Variants in ADGRA3 observed in about 807,000 individuals in gnomAD.
ADGRA3 encodes the protein adhesion G protein-coupled receptor A3.
In ADGRA3, 56 loss-of-function variants were observed where a neutral mutation model predicts 119.8. That is an observed-to-expected ratio of 0.47 (90% CI 0.38 to 0.58). The LOEUF is 0.58. Among genes scored for constraint, ADGRA3 ranks in the 20% least tolerant of loss-of-function variants. The probability of loss-of-function intolerance (pLI) is 0.00; values close to 1 mark genes in which losing one functional copy is unlikely to be tolerated. For missense variants in ADGRA3, 1,516 were observed against 1,649.0 expected, an observed-to-expected ratio of 0.92 and a Z score of 1.40; for synonymous variants, 607 against 623.8, an observed-to-expected ratio of 0.97 and a Z score of 0.40.
intron 1 of ADGRA3, among the ~76,000 whole-genome samples, chr4:22,513,865 A>AAAC (rs1560356084): frequency 6.6e-6 from 1 of 151,296 alleles, no homozygotes; most frequent in African/African-American, 2.4e-5. Flanking sequence ...AAAAAAAAAA[A>AAAC]AAAAAAAAAC....
intron 1 of ADGRA3, among the ~76,000 whole-genome samples, chr4:22,492,027 C>G (rs986759510): frequency 2.6e-5 from 4 of 152,118 alleles, no homozygotes; most frequent in African/African-American, 7.2e-5. Context: ...GGTCCTTGCT[C>G]TTTAGAATGC....
At chr4:22,498,655 C>A (rs555355462) in intron 1 of ADGRA3, among the ~76,000 whole-genome samples, 1 of 152,134 alleles carries the variant, frequency 6.6e-6, no homozygotes, top group African/African-American at 2.4e-5. Flanking sequence ...GTGGCTCACG[C>A]CTGTAATCCC....
chr4:22,415,781 A>G (rs1715402315), intron 12 of ADGRA3, among the ~76,000 whole-genome samples: 1 of 152,144 alleles, frequency 6.6e-6, no homozygotes, highest in African/African-American at 2.4e-5. Context: ...TAACATCTAT[A>G]CTTTCTAGAA....
chr4:22,473,094 T>C (rs1717911821), intron 2 of ADGRA3: 1 of 152,128 alleles, frequency 6.6e-6, no homozygotes, highest in Non-Finnish European at 1.5e-5. Flanking sequence ...TTTATACTAG[T>C]GTTTTTCCCC....
At chr4:22,427,643 T>A (rs1461346205) in intron 10 of ADGRA3, among the ~76,000 whole-genome samples, 5 of 152,172 alleles carry the variant, frequency 3.3e-5, no homozygotes, top group African/African-American at 1.2e-4. Context: ...CTTCTGTAGC[T>A]TGGTTACAGA....
rs186889191 is a variant in ADGRA3, at chr4:22,450,401, G to T, written c.474-2890C>A. The stretch of plus-strand genomic sequence containing the variant: ...ATGCCTCAGCCTCCGGAGTAGCTGG[G>T]ATTACAGGTACATGCCACCAGGCCT... On this transcript the variant is annotated intron_variant, in intron 4 of 18. Coordinates refer to ENST00000334304, the MANE Select transcript of ADGRA3 (RefSeq NM_145290.4). 3.9e-5 allele frequency among the ~76,000 whole-genome samples: 6 copies of T among 152,060 alleles called. No individual in the cohort carries two copies. In the South Asian group the frequency reaches 1.2e-3, roughly 32 times the overall value.
At chr4:22,448,789 G>A (rs1294011910) in intron 4 of ADGRA3, among the ~76,000 whole-genome samples, 1 of 152,062 alleles carries the variant, frequency 6.6e-6, no homozygotes, top group Non-Finnish European at 1.5e-5. Flanking sequence ...GAAAAAGGCT[G>A]GATTCAGTGA....
intron 12 of ADGRA3, among the ~76,000 whole-genome samples, chr4:22,418,772 A>G (rs1197193945): frequency 6.6e-6 from 1 of 152,100 alleles, no homozygotes; most frequent in Admixed American, 6.5e-5. Flanking sequence ...GCCTGCACAG[A>G]AGGGAAGGCT....
Position 22,436,645 on chromosome 4 carries a change from G to C in ADGRA3, c.1086-4C>G, listed in dbSNP as rs557504541. The stretch of plus-strand genomic sequence containing the variant: ...GCCTGCCAATGTTCTGGGCCATCTA[G>C]AGATGAAGACAAAATAGTACAAGAA... On this transcript the variant is annotated splice_region_variant and splice_polypyrimidine_tract_variant and intron_variant, in intron 8 of 18. Coordinates refer to ENST00000334304, the MANE Select transcript of ADGRA3 (RefSeq NM_145290.4). The C allele has an allele frequency of 6.2e-7, 1 of 1,612,866 alleles. No homozygotes were observed. Among genetic ancestry groups the C allele is most frequent in the South Asian group, 1.1e-5 (1 of 91,036 alleles).
chr4:22,465,728 T>G (rs1367033285), intron 2 of ADGRA3, among the ~76,000 whole-genome samples: 1 of 152,202 alleles, frequency 6.6e-6, no homozygotes, highest in Non-Finnish European at 1.5e-5. Flanking sequence ...TTTTAATAAG[T>G]GGCCAGGATT....
intron 1 of ADGRA3, among the ~76,000 whole-genome samples, chr4:22,482,930 C>A (rs1179595050): frequency 1.3e-5 from 2 of 152,150 alleles, no homozygotes; most frequent in Non-Finnish European, 2.9e-5. Flanking sequence ...GATCTGCCTC[C>A]GTCAATTTTC....
chr4:22,460,210 T>TA (rs1717392690), intron 3 of ADGRA3, among the ~76,000 whole-genome samples: 2 of 152,202 alleles, frequency 1.3e-5, no homozygotes, highest in African/African-American at 4.8e-5. Flanking sequence ...TCTAACCTGT[T>TA]ACAGCGCCTG....
chr4:22,399,335 G>A (rs1714511014), intron 16 of ADGRA3, among the ~76,000 whole-genome samples: 1 of 152,096 alleles, frequency 6.6e-6, no homozygotes, highest in Non-Finnish European at 1.5e-5. Flanking sequence ...AAGGGCTCTT[G>A]ATAAATACAA....
chr4:22,487,294 T>A (rs944873905), intron 1 of ADGRA3, among the ~76,000 whole-genome samples: 1 of 152,242 alleles, frequency 6.6e-6, no homozygotes, highest in African/African-American at 2.4e-5. Context: ...GGAATTGGTT[T>A]CACAGAAGAC....
intron 2 of ADGRA3, among the ~76,000 whole-genome samples, chr4:22,472,700 G>A (rs1161694394): frequency 2.0e-5 from 3 of 152,246 alleles, no homozygotes; most frequent in African/African-American, 4.8e-5. Flanking sequence ...AGTCCTGTGC[G>A]AGTTCAATCA....
intron 5 of ADGRA3, among the ~76,000 whole-genome samples, chr4:22,445,355 G>A (rs1258590119): frequency 6.6e-6 from 1 of 152,116 alleles, no homozygotes; most frequent in African/African-American, 2.4e-5. Context: ...TGCTTTGGAT[G>A]AAATTTTGTA....
chr4:22,500,387 A>G (rs112076399), intron 1 of ADGRA3, among the ~76,000 whole-genome samples: 18 of 152,350 alleles, frequency 1.2e-4, no homozygotes, highest in African/African-American at 3.6e-4. Context: ...AAGCTGTTTT[A>G]GCAATCAGGT....
chr4:22,463,021 C>T (rs764593720), intron 2 of ADGRA3, among the ~76,000 whole-genome samples: 2 of 152,146 alleles, frequency 1.3e-5, no homozygotes, highest in African/African-American at 2.4e-5. Flanking sequence ...TTATGGGACA[C>T]CCTCAGCTGG....
intron 2 of ADGRA3, among the ~76,000 whole-genome samples, chr4:22,464,253 A>G (rs1717575214): frequency 6.6e-6 from 1 of 152,166 alleles, no homozygotes; most frequent in Non-Finnish European, 1.5e-5. Flanking sequence ...CAAGAAGAAA[A>G]CAGCTTTGTC....
Sources: gnomAD v4.1 joint callset for allele counts (sites outside exome capture counted in the v4.1 genomes callset) on GRCh38, gnomAD v4.1.1 for gene constraint, MANE v1.5 for transcripts, NCBI Gene and HGNC (gene_info 2026-07-23, HGNC 2026-07-21) for gene names.